CDH23: variants seen among roughly 807,000 people sequenced by gnomAD.
CDH23 encodes the protein cadherin related 23, also known as cadherin-23.
CDH23 carries 189 observed loss-of-function variants against 317.1 expected under a neutral mutation model. The observed-to-expected ratio is 0.60, with a 90% CI of 0.53 to 0.67. The LOEUF is 0.67. Among genes scored for constraint, CDH23 ranks in the 30% least tolerant of loss-of-function variants. The pLI is 0.00. For missense variants in CDH23, 4,401 were observed against 4,592.4 expected (o/e 0.96, Z 1.20); for synonymous variants, 1,839 against 1,876.8 (o/e 0.98, Z 0.52).
chr10:71,741,783 G>A lies in CDH23; in HGVS notation c.4707G>A (p.Glu1569=), dbSNP rs1839740812. The stretch of plus-strand genomic sequence containing the variant: ...GTGTTCTGTCCTACTACATCACCGA[G>A]GGCAACAAGGACATGGCCTTCCGCA... ...INSVLSYYIT[E]GNKDMAFRMD... The change falls in exon 38 of 70, where the codon GAG becomes GAA. Residue 1569 remains glutamate (E), a synonymous_variant. Transcript: ENST00000224721. The A allele has an allele frequency of 1.2e-6, 2 of 1,612,710 alleles. No individual in the cohort carries two copies. The highest frequency in any genetic ancestry group is 1.3e-5 in the African/African-American group (1 of 74,932).
At chr10:71,530,904 G>T (rs1456049346) in intron 6 of CDH23, among the ~76,000 whole-genome samples, 1 of 152,232 alleles carries the variant, frequency 6.6e-6, no homozygotes, top group Non-Finnish European at 1.5e-5. Context: ...GACCCAGAAT[G>T]TGACTGCCCT....
At chr10:71,608,381 T>C (rs1297497996) in intron 9 of CDH23, among the ~76,000 whole-genome samples, 1 of 152,156 alleles carries the variant, frequency 6.6e-6, no homozygotes, top group Non-Finnish European at 1.5e-5. Flanking sequence ...GTCAATCTCA[T>C]CCAGCCTCCT....
intron 3 of CDH23, among the ~76,000 whole-genome samples, chr10:71,493,623 T>C (rs575076919): frequency 1.3e-5 from 2 of 152,308 alleles, no homozygotes; most frequent in African/African-American, 4.8e-5. Context: ...GGGAAGGCTG[T>C]ATTTTCTTTA....
At chr10:71,441,280 C>T (rs779911654) in intron 2 of CDH23, among the ~76,000 whole-genome samples, 13 of 152,228 alleles carry the variant, frequency 8.5e-5, no homozygotes, top group African/African-American at 2.9e-4. Context: ...AGGCTTCAAT[C>T]GGGGCTCCTG....
intron 9 of CDH23, among the ~76,000 whole-genome samples, chr10:71,598,180 G>A (rs1433550454): frequency 1.3e-5 from 2 of 152,198 alleles, no homozygotes; most frequent in African/African-American, 2.4e-5. Context: ...CCTTGCTTGG[G>A]GTTTAGTGCT....
intron 3 of CDH23, among the ~76,000 whole-genome samples, chr10:71,501,986 T>C (rs1413758439): frequency 1.3e-5 from 2 of 152,218 alleles, no homozygotes; most frequent in African/African-American, 4.8e-5. Flanking sequence ...GGCCCTGCTG[T>C]TTGCAACTCC....
chr10:71,443,518 TA>T (rs1849999937), intron 2 of CDH23, among the ~76,000 whole-genome samples: 1 of 152,232 alleles, frequency 6.6e-6, no homozygotes, highest in Non-Finnish European at 1.5e-5. Context: ...GTGCTAGAAC[TA>T]AGTAAAGCAG....
chr10:71,796,968 C>T, intron 48 of CDH23, 136 bp from the exon 49 acceptor site: 1 of 628,210 alleles, frequency 1.6e-6, no homozygotes, highest in Non-Finnish European at 2.9e-6. Flanking sequence ...GGGCCCACCC[C>T]AGCCACAAGT....
intron 22 of CDH23, among the ~76,000 whole-genome samples, chr10:71,696,347 T>G (rs1865390502): frequency 6.6e-6 from 1 of 152,350 alleles, no homozygotes; most frequent in East Asian, 1.9e-4. Flanking sequence ...ACACCTGGGA[T>G]GTGCTCTGAG....
intron 3 of CDH23, among the ~76,000 whole-genome samples, chr10:71,454,532 C>T (rs1044718086): frequency 2.6e-5 from 4 of 152,208 alleles, no homozygotes; most frequent in African/African-American, 7.2e-5. Context: ...TCTGTCCAGC[C>T]GGTCACTGCT....
chr10:71,654,008 G>T (rs1045372835), intron 14 of CDH23, among the ~76,000 whole-genome samples: 1 of 152,140 alleles, frequency 6.6e-6, no homozygotes, highest in Admixed American at 6.6e-5. Context: ...CCTCTCAGTT[G>T]GTGCGTTGGT....
Position 71,770,723 on chromosome 10 carries a change from C to T in CDH23, c.4846-6957C>T, listed in dbSNP as rs187091756. On this transcript the variant is annotated intron_variant, in intron 38 of 69. Transcript: ENST00000224721. ...CACTGTGTGCGGATAGGGAGGTGAC[C>T]CCTTTAGCGTCTCAGCAGCACACTC... Among the ~76,000 whole-genome samples the T allele has an allele frequency of 2.9e-3, 434 of 152,264 alleles. 1 individual carries two copies. The highest frequency in any genetic ancestry group is 4.6e-3 in the Non-Finnish European group (311 of 68,014).
intron 14 of CDH23, among the ~76,000 whole-genome samples, chr10:71,649,832 C>G (rs1213806691): frequency 6.6e-6 from 1 of 152,220 alleles, no homozygotes; most frequent in Non-Finnish European, 1.5e-5. Context: ...GTATCTCTAA[C>G]CTGTTAAGTA....
intron 1 of CDH23, among the ~76,000 whole-genome samples, chr10:71,402,085 A>C (rs1424912953): frequency 6.6e-6 from 1 of 152,176 alleles, no homozygotes; most frequent in Non-Finnish European, 1.5e-5. Context: ...GTCAATGGTG[A>C]GTGGGGTGGG....
In CDH23 at chr10:71,430,102, A is replaced by C. The variant is rs76744403; in HGVS notation, c.-5-9725A>C. 1.7e-3 allele frequency among the ~76,000 whole-genome samples: 260 copies of C among 152,272 alleles called. 2 individuals are homozygous for C. Among genetic ancestry groups the C allele is most frequent in the African/African-American group, 6.1e-3 (254 of 41,568 alleles). The stretch of plus-strand genomic sequence containing the variant: ...GGAGAACACAGGGTGGGTGACTGGC[A>C]GTGACCCCAGTGAGGGGGTGGGTGC... On this transcript the variant is annotated intron_variant, in intron 1 of 69. Transcript: ENST00000224721.
At chr10:71,786,011 T>C (rs1039854645) in intron 44 of CDH23, among the ~76,000 whole-genome samples, 1 of 152,216 alleles carries the variant, frequency 6.6e-6, no homozygotes, top group Non-Finnish European at 1.5e-5. Context: ...TGTGAAAGCC[T>C]CAGCACAGTG....
intron 38 of CDH23, among the ~76,000 whole-genome samples, chr10:71,742,639 C>T (rs1839768386): frequency 6.6e-6 from 1 of 152,174 alleles, no homozygotes; most frequent in South Asian, 2.1e-4. Context: ...CAGCATATCG[C>T]TTTTGTCATC....
intron 1 of CDH23, among the ~76,000 whole-genome samples, chr10:71,399,789 C>T (rs989146855): frequency 6.6e-6 from 1 of 152,050 alleles, no homozygotes; most frequent in African/African-American, 2.4e-5. Flanking sequence ...AGAAAACCAA[C>T]AAAAACCCCT....
chr10:71,807,122 C>T (rs569812600), intron 57 of CDH23, among the ~76,000 whole-genome samples, 155 bp from the exon 58 acceptor site: 1 of 152,332 alleles, frequency 6.6e-6, no homozygotes, highest in Admixed American at 6.5e-5. Context: ...CCATGCTTTG[C>T]TCCCTTGAGG....
Sources: gnomAD v4.1 joint callset for allele counts (sites outside exome capture counted in the v4.1 genomes callset) on GRCh38, gnomAD v4.1.1 for gene constraint, MANE v1.5 for transcripts, NCBI Gene and HGNC (gene_info 2026-07-23, HGNC 2026-07-21) for gene names.